The following PLCB1 variants were observed in gnomAD, a reference collection of about 807,000 sequenced individuals.
PLCB1 encodes the protein 1-phosphatidylinositol 4,5-bisphosphate phosphodiesterase beta-1.
PLCB1 carries 46 observed loss-of-function variants against 161.8 expected under a neutral mutation model. The ratio of observed to expected loss-of-function variants is 0.28; its 90% CI spans 0.22 to 0.36. The LOEUF is 0.36. Among genes scored for constraint, PLCB1 ranks in the 10% least tolerant of loss-of-function variants. The pLI, the probability that PLCB1 is intolerant of heterozygous loss-of-function variation, is 1.00. For missense variants in PLCB1, 1,016 were observed against 1,472.5 expected, an observed-to-expected ratio of 0.69 and a Z score of 5.07; for synonymous variants, 517 against 503.7, an observed-to-expected ratio of 1.03 and a Z score of -0.35.
chr20:8,428,908 A>G (rs1212930448), intron 3 of PLCB1, among the ~76,000 whole-genome samples: 1 of 152,192 alleles, frequency 6.6e-6, no homozygotes, highest in African/African-American at 2.4e-5. Context: ...AAATGTTTGA[A>G]TGCTATCCCA....
intron 3 of PLCB1, among the ~76,000 whole-genome samples, chr20:8,511,034 A>G (rs1983865969): frequency 6.6e-6 from 1 of 152,082 alleles, no homozygotes; most frequent in South Asian, 2.1e-4. Flanking sequence ...ATTTTGAAAT[A>G]TATATTATTA....
At chr20:8,646,000 T>G in intron 4 of PLCB1, 102 bp from the exon 5 acceptor site, 2 of 748,102 alleles carry the variant, frequency 2.7e-6, no homozygotes, top group Non-Finnish European at 4.7e-6. Flanking sequence ...ACCTTTGGCA[T>G]GCACATTGAA....
At chr20:8,491,710 A>C (rs1391174896) in intron 3 of PLCB1, among the ~76,000 whole-genome samples, 1 of 152,090 alleles carries the variant, frequency 6.6e-6, no homozygotes, top group African/African-American at 2.4e-5. Context: ...TGTGAACTCA[A>C]ATTGCCTTAA....
chr20:8,422,999 T>C (rs1390675312), intron 3 of PLCB1, among the ~76,000 whole-genome samples: 2 of 152,198 alleles, frequency 1.3e-5, no homozygotes, highest in African/African-American at 4.8e-5. Context: ...TTAGTATAGT[T>C]CTGGCACAGA....
chr20:8,739,384 C>A (rs370423095), intron 21 of PLCB1, 24 bp downstream of exon 21: 2 of 1,447,328 alleles, frequency 1.4e-6, no homozygotes, highest in Admixed American at 1.7e-5. Context: ...GCTGAGAAAC[C>A]TTTTATCAAA....
intron 3 of PLCB1, among the ~76,000 whole-genome samples, chr20:8,521,051 T>TA (rs1984326390): frequency 6.6e-6 from 1 of 152,284 alleles, no homozygotes; most frequent in East Asian, 1.9e-4. Flanking sequence ...CTAAGCTTCT[T>TA]ATAGATAAGC....
intron 2 of PLCB1, among the ~76,000 whole-genome samples, chr20:8,291,572 A>C (rs1016581228): frequency 1.3e-5 from 2 of 152,110 alleles, no homozygotes; most frequent in Non-Finnish European, 2.9e-5. Flanking sequence ...AAACCAAACC[A>C]TGATTTATTT....
intron 3 of PLCB1, among the ~76,000 whole-genome samples, chr20:8,446,553 G>T (rs1980839085): frequency 6.6e-6 from 1 of 152,166 alleles, no homozygotes; most frequent in Admixed American, 6.5e-5. Context: ...TGGAAGTTCT[G>T]GCCAGGGCTA....
chr20:8,311,035 G>A (rs561614857), intron 2 of PLCB1, among the ~76,000 whole-genome samples: 1 of 152,220 alleles, frequency 6.6e-6, no homozygotes, highest in East Asian at 1.9e-4. Flanking sequence ...CAATGAGTAA[G>A]CTTTCCCTTT....
intron 2 of PLCB1, among the ~76,000 whole-genome samples, chr20:8,237,352 A>T (rs1304055526): frequency 4.6e-5 from 7 of 152,076 alleles, no homozygotes; most frequent in African/African-American, 1.7e-4. Flanking sequence ...GGAAATATGC[A>T]GATTACAAAG....
At chr20:8,336,025 G>A (rs1264981756) in intron 2 of PLCB1, among the ~76,000 whole-genome samples, 1 of 152,180 alleles carries the variant, frequency 6.6e-6, no homozygotes, top group East Asian at 1.9e-4. Context: ...GCAGGATCCA[G>A]TGGGAACATT....
At chr20:8,368,592 A>G (rs981665166) in intron 2 of PLCB1, among the ~76,000 whole-genome samples, 1 of 151,962 alleles carries the variant, frequency 6.6e-6, no homozygotes, top group Non-Finnish European at 1.5e-5. Flanking sequence ...TTGATTAGGT[A>G]AAAATACTGT....
intron 3 of PLCB1, among the ~76,000 whole-genome samples, chr20:8,454,743 C>T (rs760754260): frequency 6.6e-6 from 1 of 152,204 alleles, no homozygotes; most frequent in Non-Finnish European, 1.5e-5. Flanking sequence ...TTCAGACCTT[C>T]CCTGGGCAGC....
At chr20:8,164,610 G>A (rs1425800852) in intron 2 of PLCB1, among the ~76,000 whole-genome samples, 3 of 152,140 alleles carry the variant, frequency 2.0e-5, no homozygotes, top group African/African-American at 7.2e-5. Flanking sequence ...AAAGTTTCTT[G>A]CAATAAGAAG....
chr20:8,135,252 A>G (rs2051333908), intron 1 of PLCB1, among the ~76,000 whole-genome samples: 1 of 152,226 alleles, frequency 6.6e-6, no homozygotes, highest in Non-Finnish European at 1.5e-5. Flanking sequence ...CTTGTGTAAA[A>G]GCGTGGTAAT....
intron 2 of PLCB1, among the ~76,000 whole-genome samples, chr20:8,298,079 G>T (rs545408936): frequency 5.3e-5 from 8 of 151,850 alleles, no homozygotes; most frequent in Admixed American, 3.9e-4. Flanking sequence ...AGGATTGCTT[G>T]AGCTCGGGAG....
At chr20:8,140,466 G>A (rs1379591257) in intron 1 of PLCB1, among the ~76,000 whole-genome samples, 2 of 152,142 alleles carry the variant, frequency 1.3e-5, no homozygotes, top group Non-Finnish European at 2.9e-5. Context: ...GTAAAATGAA[G>A]TTTTGCTGTA....
chr20:8,143,196 T>C (rs948083781), intron 1 of PLCB1, among the ~76,000 whole-genome samples: 4 of 152,202 alleles, frequency 2.6e-5, no homozygotes, highest in African/African-American at 9.7e-5. Context: ...CCCTCTACTA[T>C]GCAAGTGTAA....
At chr20:8,865,649 T>C (rs1334927144) in intron 31 of PLCB1, among the ~76,000 whole-genome samples, 1 of 152,208 alleles carries the variant, frequency 6.6e-6, no homozygotes, top group Non-Finnish European at 1.5e-5. Context: ...CAGGTTCCTT[T>C]CATAATGTGG....
Sources: allele counts gnomAD v4.1 joint callset (sites outside exome capture counted in the v4.1 genomes callset), GRCh38; gene constraint gnomAD v4.1.1; transcripts MANE v1.5; gene names NCBI Gene and HGNC (gene_info 2026-07-23, HGNC 2026-07-21).